Variants in STARD13 observed in about 807,000 individuals in gnomAD.
STARD13 encodes the protein stAR-related lipid transfer protein 13.
In STARD13, 62 loss-of-function variants were observed where a neutral mutation model predicts 106.4. The ratio of observed to expected loss-of-function variants is 0.58; its 90% CI spans 0.48 to 0.72. The LOEUF (loss-of-function observed/expected upper bound fraction) is 0.72, where lower values mean the gene tolerates loss of function less well. Ranked by LOEUF, STARD13 falls within the 30% of genes least tolerant of loss-of-function variation. The pLI, the probability that STARD13 is intolerant of heterozygous loss-of-function variation, is 0.00. For missense variants in STARD13, 1,387 were observed against 1,424.0 expected (o/e 0.97, Z 0.42); for synonymous variants, 565 against 553.0 (o/e 1.02, Z -0.31).
chr13:33,566,346 T>C, the STARD13 span, among the ~76,000 whole-genome samples: 2 of 148,256 alleles, frequency 1.3e-5, 1 homozygote, highest in African/African-American at 4.9e-5. Flanking sequence ...TGGTACTATC[T>C]GCGGTTTCAG....
In STARD13 at chr13:33,285,679, T is replaced by C. The variant is rs1432678077; in HGVS notation, c.-41A>G. On this transcript the variant is annotated 5_prime_UTR_variant, in exon 1 of 14. Transcript: ENST00000336934. ...ATTGCCACCTCAGTCTGCCTGTGGC[T>C]GTTGCCGTCTGTCTCCAGTCTCAGT... The C allele has an allele frequency of 3.7e-6, 6 of 1,604,200 alleles. No homozygotes were observed. The highest frequency in any genetic ancestry group is 1.1e-5 in the South Asian group (1 of 89,156).
chr13:33,499,455 A>G, the STARD13 span, among the ~76,000 whole-genome samples: 4 of 151,952 alleles, frequency 2.6e-5, no homozygotes, highest in East Asian at 7.7e-4. Flanking sequence ...ATATTCTCAC[A>G]TGGCAGAGAG....
intron 1 of STARD13, among the ~76,000 whole-genome samples, chr13:33,295,981 G>A (rs1003872728): frequency 7.2e-5 from 11 of 152,092 alleles, no homozygotes; most frequent in South Asian, 4.2e-4. Flanking sequence ...GGATGTCAAG[G>A]TGGGTGGATC....
chr13:33,203,146 C>T lies in STARD13; in HGVS notation c.170-35524G>A, dbSNP rs545443109. Among the ~76,000 whole-genome samples, 12 of 152,276 alleles carry T rather than the reference C, an allele frequency of 7.9e-5. No homozygotes were observed. The East Asian group carries it at 2.3e-3, about 29-fold the overall frequency. On this transcript the variant is annotated intron_variant, in intron 1 of 13. Transcript: ENST00000336934. Reference sequence around the variant, plus strand: ...GCAGCGGAAGAGCACAGTTGAATGGCGTGGCTCCCAAGGCTGCCATATTTC... The same window carrying T: ...GCAGCGGAAGAGCACAGTTGAATGGTGTGGCTCCCAAGGCTGCCATATTTC...
At chr13:33,506,232 A>G in the STARD13 span, among the ~76,000 whole-genome samples, 430 of 152,324 alleles carry the variant, frequency 2.8e-3, 2 homozygotes, top group African/African-American at 0.01. Context: ...TGCATTTTGC[A>G]AGGAAAATAC....
the STARD13 span, among the ~76,000 whole-genome samples, chr13:33,445,035 C>A: frequency 6.6e-6 from 1 of 152,250 alleles, no homozygotes; most frequent in East Asian, 1.9e-4. Context: ...TACAGAACTG[C>A]GCTAAGTAAC....
chr13:33,195,801 T>C (rs556137375), intron 1 of STARD13, among the ~76,000 whole-genome samples: 1 of 152,316 alleles, frequency 6.6e-6, no homozygotes, highest in East Asian at 1.9e-4. Flanking sequence ...TTACAAGCAA[T>C]GCCAACTTGT....
chr13:33,378,399 G>A, the STARD13 span, among the ~76,000 whole-genome samples: 1 of 152,010 alleles, frequency 6.6e-6, no homozygotes, highest in African/African-American at 2.4e-5. Flanking sequence ...ACCTTCCAAG[G>A]CCCACCTGGA....
At chr13:33,350,237 G>A in intron 1 of STARD13, 1 of 1,486,994 alleles carries the variant, frequency 6.7e-7, no homozygotes, top group South Asian at 1.3e-5. Context: ...GGCGGGCTAC[G>A]GGGCCGGCGC....
intron 1 of STARD13, among the ~76,000 whole-genome samples, chr13:33,313,774 G>A (rs565330344): frequency 6.6e-6 from 1 of 152,144 alleles, no homozygotes; most frequent in Admixed American, 6.5e-5. Context: ...TCTTACTCTA[G>A]GGCAATCATT....
chr13:33,472,651 G>A, the STARD13 span, among the ~76,000 whole-genome samples: 1 of 152,100 alleles, frequency 6.6e-6, no homozygotes, highest in Non-Finnish European at 1.5e-5. Context: ...GTCAGCTATG[G>A]AGCTCAGTGC....
At chr13:33,574,700 C>G in the STARD13 span, among the ~76,000 whole-genome samples, 1 of 152,032 alleles carries the variant, frequency 6.6e-6, no homozygotes, top group Non-Finnish European at 1.5e-5. Flanking sequence ...CATGATCATG[C>G]CACTACACTC....
the STARD13 span, among the ~76,000 whole-genome samples, chr13:33,439,427 G>C: frequency 6.6e-6 from 1 of 152,186 alleles, no homozygotes; most frequent in Non-Finnish European, 1.5e-5. Context: ...GTTATGCAAA[G>C]CAACTTCTTT....
At chr13:33,496,925 C>T in the STARD13 span, among the ~76,000 whole-genome samples, 1 of 152,030 alleles carries the variant, frequency 6.6e-6, no homozygotes, top group Non-Finnish European at 1.5e-5. Flanking sequence ...TGTTTTGTTG[C>T]AATTATCCTA....
the STARD13 span, among the ~76,000 whole-genome samples, chr13:33,655,046 T>C: frequency 6.6e-6 from 1 of 152,248 alleles, no homozygotes; most frequent in Admixed American, 6.5e-5. Context: ...AATAACTGCA[T>C]GGCATTTTAC....
chr13:33,221,744 T>C (rs115437692), intron 1 of STARD13, among the ~76,000 whole-genome samples: 2,768 of 152,306 alleles, frequency 0.018, 87 homozygotes, highest in African/African-American at 0.064. Flanking sequence ...TTCACATTCA[T>C]AGCAGCATTA....
At chr13:33,131,234 C>T (rs1482010019) in intron 4 of STARD13, among the ~76,000 whole-genome samples, 46 of 152,206 alleles carry the variant, frequency 3.0e-4, no homozygotes, top group Admixed American at 3.0e-3. Flanking sequence ...GCTTCATCCT[C>T]ACCAAGCACA....
In STARD13 at chr13:33,127,330, C is replaced by G. The variant is rs776155710; in HGVS notation, c.1922+43G>C. 4 of 1,516,054 alleles carry G rather than the reference C, an allele frequency of 2.6e-6. No individual in the cohort carries two copies. In the African/African-American group the frequency reaches 5.7e-5, roughly 21 times the overall value. 93.9% of individuals were successfully genotyped at this position (1,516,054 alleles called of 1,614,324 possible). A position where few individuals can be genotyped will look rare whatever the true frequency, so the allele number is the denominator to read the frequency against. ...GAAGCTTCTGCAATCACACACTTAG[C>G]TCTAGAGCCAAGGATCCCCTCCTAG... On this transcript the variant is annotated intron_variant, in intron 6 of 13. Coordinates refer to ENST00000336934, the MANE Select transcript of STARD13 (RefSeq NM_178006.4).
At chr13:33,473,648 T>C in the STARD13 span, among the ~76,000 whole-genome samples, 1 of 152,206 alleles carries the variant, frequency 6.6e-6, no homozygotes, top group Non-Finnish European at 1.5e-5. Flanking sequence ...GCATTGCTTA[T>C]GGTTCACTGC....
Sources: allele counts gnomAD v4.1 joint callset (sites outside exome capture counted in the v4.1 genomes callset), GRCh38; gene constraint gnomAD v4.1.1; transcripts MANE v1.5; gene names NCBI Gene and HGNC (gene_info 2026-07-23, HGNC 2026-07-21).